The following DCUN1D5 variants were observed in gnomAD, a reference collection of about 807,000 sequenced individuals.
The protein encoded by DCUN1D5 is DCN1-like protein 5.
Under a neutral mutation model 38.3 loss-of-function variants are expected in DCUN1D5, and 10 were observed. That is an observed-to-expected ratio of 0.26 (90% CI 0.16 to 0.44). The LOEUF (loss-of-function observed/expected upper bound fraction) is 0.44, where lower values mean the gene tolerates loss of function less well. Among genes scored for constraint, DCUN1D5 ranks in the 20% least tolerant of loss-of-function variants. The pLI, the probability that DCUN1D5 is intolerant of heterozygous loss-of-function variation, is 1.00. For synonymous variants in DCUN1D5, 93 were observed against 90.9 expected (o/e 1.02, Z -0.13); for missense variants, 148 against 275.3 (o/e 0.54, Z 3.27).
At chr11:103,075,387 G>GT (rs777871689) in intron 4 of DCUN1D5, among the ~76,000 whole-genome samples, 2,732 of 146,150 alleles carry the variant, frequency 0.019, 34 homozygotes, top group Non-Finnish European at 0.028. Flanking sequence ...CTTTTAAAAA[G>GT]TTTTTTTTTT....
Position 103,062,249 on chromosome 11 carries a change from A to C in DCUN1D5, c.*110T>G. On this transcript the variant is annotated 3_prime_UTR_variant, in exon 8 of 8. Coordinates refer to ENST00000260247, the MANE Select transcript of DCUN1D5 (RefSeq NM_032299.4). The surrounding 1 kb of genome is among the most constrained non-coding windows in gnomAD (Gnocchi z 4.6). ...AAAAGGAAAAAAAAGTACTATGAGA[A>C]GTCTTTCATATGAATGAAAATGCAC... 1 of 1,035,854 alleles carries C rather than the reference A, an allele frequency of 9.7e-7. No homozygotes were observed. Among genetic ancestry groups the C allele is most frequent in the Non-Finnish European group, 1.5e-6 (1 of 677,900 alleles). 64.2% of individuals were successfully genotyped at this position (1,035,854 alleles called of 1,614,324 possible).
At position 103,083,324 on chromosome 11, in the gene DCUN1D5, G is replaced by T; in HGVS notation, c.181C>A (p.Pro61Thr). 1 of 1,566,178 alleles carries T rather than the reference G, an allele frequency of 6.4e-7. No individual in the cohort carries two copies. Among genetic ancestry groups the T allele is most frequent in the Non-Finnish European group, 8.8e-7 (1 of 1,137,890 alleles). The change falls in exon 3 of 8, where the codon CCT (proline) becomes ACT (threonine). Residue 61 changes from proline (P) to threonine (T), a missense_variant and splice_region_variant. Coordinates refer to ENST00000260247, the MANE Select transcript of DCUN1D5 (RefSeq NM_032299.4). This position sits in a 1 kb window ranked among gnomAD's most constrained non-coding sequence, Gnocchi z 4.4. ...CLAWFYEYAG[P>T]DEVVGPEGME... Reference sequence around the variant, plus strand: ...CCTTCTGGCCCTACAACTTCATCAGGACCTTCAAAGACAAAAATAATTAAC... The same window carrying T: ...CCTTCTGGCCCTACAACTTCATCAGTACCTTCAAAGACAAAAATAATTAAC...
rs1403894419 is a variant in DCUN1D5, at chr11:103,083,224, T to A, written c.249+32A>T. 1.8e-6 allele frequency: 2 copies of A among 1,116,068 alleles called. No homozygotes were observed. Among genetic ancestry groups the A allele is most frequent in the East Asian group, 2.4e-5 (1 of 42,194 alleles). 69.1% of individuals were successfully genotyped at this position (1,116,068 alleles called of 1,614,324 possible). A position where few individuals can be genotyped will look rare whatever the true frequency, so the allele number is the denominator to read the frequency against. On this transcript the variant is annotated intron_variant, in intron 3 of 7. Transcript: ENST00000260247. This position sits in a 1 kb window ranked among gnomAD's most constrained non-coding sequence, Gnocchi z 4.4. ...ATTTACGAATATGCTATACCCCACT[T>A]ATATGCCATTCTACTTAGAAATAAA...
At position 103,057,808 on chromosome 11, in the gene DCUN1D5, C is replaced by CTA. The variant is rs1296196269; in HGVS notation, c.*4549_*4550dup. 6.6e-6 allele frequency among the ~76,000 whole-genome samples: 1 copy of CTA among 152,006 alleles called. No individual in the cohort carries two copies. Among genetic ancestry groups the CTA allele is most frequent in the African/African-American group, 2.4e-5 (1 of 41,386 alleles). ...GAGTTTTGGGGAAATCTGGCTCTCT[C>CTA]TATATATTCACTTCAAGTATTTATT... On this transcript the variant is annotated 3_prime_UTR_variant, in exon 8 of 8. Transcript: ENST00000260247. The surrounding 1 kb of genome is among the most constrained non-coding windows in gnomAD (Gnocchi z 4.8).
chr11:103,072,378 A>ATCTAGATCTAGATCT (rs1862299783), intron 4 of DCUN1D5, among the ~76,000 whole-genome samples: 1 of 151,882 alleles, frequency 6.6e-6, no homozygotes, highest in Non-Finnish European at 1.5e-5. Flanking sequence ...CTAGAACTAG[A>ATCTAGATCTAGATCT]AATACCATTT....
chr11:103,087,595 A>G lies in DCUN1D5; in HGVS notation c.178+1632T>C, dbSNP rs1369071858. Among the ~76,000 whole-genome samples the G allele has an allele frequency of 6.6e-6, 1 of 152,210 alleles. No homozygotes were observed. The highest frequency in any genetic ancestry group is 1.5e-5 in the Non-Finnish European group (1 of 68,028). ...AGCCCAGGAGCTCAAGGCTGCAGTG[A>G]GCCATGATCACAGCACTGCGCTCCA... On this transcript the variant is annotated intron_variant, in intron 2 of 7. Coordinates refer to ENST00000260247, the MANE Select transcript of DCUN1D5 (RefSeq NM_032299.4). This position sits in a 1 kb window ranked among gnomAD's most constrained non-coding sequence, Gnocchi z 4.1.
chr11:103,089,417 G>GA, intron 1 of DCUN1D5, 99 bp from the exon 2 acceptor site: 1 of 945,742 alleles, frequency 1.1e-6, no homozygotes, highest in Non-Finnish European at 1.5e-6. Flanking sequence ...TTAAACAAAG[G>GA]TTTTTTTTTT....
At chr11:103,070,970 T>C (rs1343686483) in intron 4 of DCUN1D5, among the ~76,000 whole-genome samples, 2 of 152,062 alleles carry the variant, frequency 1.3e-5, no homozygotes, top group Non-Finnish European at 2.9e-5. Context: ...CTAAATAATC[T>C]ATGGGAGAGT....
intron 4 of DCUN1D5, among the ~76,000 whole-genome samples, chr11:103,074,107 C>T (rs924994103): frequency 6.6e-6 from 1 of 151,948 alleles, no homozygotes; most frequent in African/African-American, 2.4e-5. Flanking sequence ...AAAGTACACT[C>T]CATAAAAGGA....
chr11:103,068,359 C>T (rs1862186362), intron 4 of DCUN1D5, among the ~76,000 whole-genome samples: 1 of 152,094 alleles, frequency 6.6e-6, no homozygotes, highest in Non-Finnish European at 1.5e-5. Context: ...AATCATCCTA[C>T]CATAAAGATA....
At position 103,056,948 on chromosome 11, in the gene DCUN1D5, C is replaced by T. The variant is rs573492278; in HGVS notation, c.*5411G>A. On this transcript the variant is annotated 3_prime_UTR_variant, in exon 8 of 8. Coordinates refer to ENST00000260247, the MANE Select transcript of DCUN1D5 (RefSeq NM_032299.4). This position sits in a 1 kb window ranked among gnomAD's most constrained non-coding sequence, Gnocchi z 4.9. ...TAACAATACTGGTAGGTATCATTAT[C>T]GCCATTTTACAGAAGAAACTGAAAA... 1.3e-4 allele frequency among the ~76,000 whole-genome samples: 20 copies of T among 152,186 alleles called. No individual in the cohort carries two copies. The highest frequency in any genetic ancestry group is 3.9e-4 in the Admixed American group (6 of 15,278).
rs1014221762 is a variant in DCUN1D5 at position 103,055,610 on chromosome 11, A to G, written c.*6749T>C. ...AACACTATAGAAAGTAATGGTTTGT[A>G]TATGTGTGGTAGAAAATGTTAACAT... On this transcript the variant is annotated 3_prime_UTR_variant, in exon 8 of 8. Coordinates refer to ENST00000260247, the MANE Select transcript of DCUN1D5 (RefSeq NM_032299.4). 1 of 151,264 alleles carries G rather than the reference A, an allele frequency of 6.6e-6. No individual in the cohort carries two copies. The highest frequency in any genetic ancestry group is 2.5e-5 in the African/African-American group (1 of 40,554). The allele number at this position is 151,264 out of a possible 1,614,324, so 9.4% of individuals were successfully genotyped here.
chr11:103,072,840 T>C (rs896042827), intron 4 of DCUN1D5, among the ~76,000 whole-genome samples: 1 of 152,054 alleles, frequency 6.6e-6, no homozygotes, highest in Non-Finnish European at 1.5e-5. Context: ...AGCACCAACA[T>C]GGCACATGTA....
intron 4 of DCUN1D5, among the ~76,000 whole-genome samples, chr11:103,068,822 C>A (rs962213885): frequency 3.5e-5 from 5 of 142,978 alleles, no homozygotes; most frequent in African/African-American, 1.1e-4. Flanking sequence ...TCACATGTAC[C>A]CCCAAACCTA....
rs1274351173 is a variant in DCUN1D5, at chr11:103,053,664, AC to A, written c.*8694del. On this transcript the variant is annotated 3_prime_UTR_variant, in exon 8 of 8. Coordinates refer to ENST00000260247, the MANE Select transcript of DCUN1D5 (RefSeq NM_032299.4). The surrounding 1 kb of genome is among the most constrained non-coding windows in gnomAD (Gnocchi z 4.8). ...ATGAATATATCATACTATCACATGT[AC>A]CCCCAAATAAATACATCATGTATCA... The A allele has an allele frequency of 6.6e-6, 1 of 151,720 alleles. No homozygotes were observed. The highest frequency in any genetic ancestry group is 2.4e-5 in the African/African-American group (1 of 41,400). 9.4% of individuals were successfully genotyped at this position (151,720 alleles called of 1,614,324 possible).
rs942568665 is a variant in DCUN1D5, at chr11:103,083,188, G to A, written c.249+68C>T. On this transcript the variant is annotated intron_variant, in intron 3 of 7. Transcript: ENST00000260247. The surrounding 1 kb of genome is among the most constrained non-coding windows in gnomAD (Gnocchi z 4.4). Reference sequence around the variant, plus strand: ...TCTTCATACAAGATTAAAGTGTCTCGATTTTTAGTAATTTACGAATATGCT... The same window carrying A: ...TCTTCATACAAGATTAAAGTGTCTCAATTTTTAGTAATTTACGAATATGCT... The A allele has an allele frequency of 6.5e-6, 5 of 764,888 alleles. No homozygotes were observed. Among genetic ancestry groups the A allele is most frequent in the Middle Eastern group, 2.3e-4 (1 of 4,284 alleles). The allele number at this position is 764,888 out of a possible 1,614,324, so 47.4% of individuals were successfully genotyped here.
rs1861920707 is a variant in DCUN1D5 at position 103,058,119 on chromosome 11, T to A, written c.*4240A>T. On this transcript the variant is annotated 3_prime_UTR_variant, in exon 8 of 8. Coordinates refer to ENST00000260247, the MANE Select transcript of DCUN1D5 (RefSeq NM_032299.4). ...TACTTAGGTTAAAATCTAACCTTAC[T>A]ATATAGTGTTACTAGATGTATTTTA... 6.6e-6 allele frequency among the ~76,000 whole-genome samples: 1 copy of A among 152,224 alleles called. No homozygotes were observed. The highest frequency in any genetic ancestry group is 6.5e-5 in the Admixed American group (1 of 15,278).
chr11:103,075,765 T>C (rs905772423), intron 4 of DCUN1D5, among the ~76,000 whole-genome samples: 3 of 152,160 alleles, frequency 2.0e-5, no homozygotes, highest in African/African-American at 7.2e-5. Flanking sequence ...TTGCCAGAAA[T>C]GGAAATCAAA....
intron 4 of DCUN1D5, among the ~76,000 whole-genome samples, chr11:103,075,177 G>T (rs1862378363): frequency 6.6e-6 from 1 of 152,092 alleles, no homozygotes; most frequent in African/African-American, 2.4e-5. Flanking sequence ...TTTTTAATCT[G>T]ATTCCCATCC....
Sources: allele counts gnomAD v4.1 joint callset (sites outside exome capture counted in the v4.1 genomes callset), GRCh38; gene constraint gnomAD v4.1.1; non-coding constraint Gnocchi (gnomAD v3.1); transcripts MANE v1.5; gene names NCBI Gene and HGNC (gene_info 2026-07-23, HGNC 2026-07-21).